Variants in PARD3 observed in about 807,000 individuals in gnomAD.
PARD3 encodes par-3 family cell polarity regulator, also known as partitioning defective 3 homolog.
PARD3 carries 75 observed loss-of-function variants against 155.4 expected under a neutral mutation model. That is an observed-to-expected ratio of 0.48 (90% CI 0.40 to 0.58). The LOEUF is 0.58. PARD3 is among the 20% of genes least tolerant of loss of function. PARD3 has a pLI of 0.00. For missense variants in PARD3, 1,642 were observed against 1,721.7 expected, an observed-to-expected ratio of 0.95 and a Z score of 0.82; for synonymous variants, 576 against 610.5, an observed-to-expected ratio of 0.94 and a Z score of 0.83.
intron 3 of PARD3, among the ~76,000 whole-genome samples, chr10:34,491,866 G>T (rs550661090): frequency 1.3e-5 from 2 of 152,144 alleles, no homozygotes; most frequent in African/African-American, 2.4e-5. Context: ...CAACCCAGTC[G>T]TGGTTTCCTA....
At chr10:34,535,717 C>A (rs574997197) in intron 2 of PARD3, among the ~76,000 whole-genome samples, 3 of 152,120 alleles carry the variant, frequency 2.0e-5, no homozygotes, top group African/African-American at 7.2e-5. Context: ...ATCAGGTGGT[C>A]CACCAGCCTC....
At chr10:34,303,162 ATT>A (rs5784409) in intron 20 of PARD3, among the ~76,000 whole-genome samples, 4,096 of 131,942 alleles carry the variant, frequency 0.031, 153 homozygotes, top group African/African-American at 0.096. Context: ...GCCCAGGTGA[ATT>A]TTTTTTTTTT....
chr10:34,611,896 G>A (rs1418857583), intron 2 of PARD3, among the ~76,000 whole-genome samples: 11 of 137,272 alleles, frequency 8.0e-5, no homozygotes, highest in Middle Eastern at 4.1e-3. Context: ...TGCAAGCTCC[G>A]CCTCCCAGGT....
chr10:34,814,829 C>T, intron 1 of PARD3, 47 bp downstream of exon 1: 1 of 1,229,356 alleles, frequency 8.1e-7, no homozygotes, highest in Non-Finnish European at 1.1e-6. Context: ...GATCCCGGCG[C>T]CGTCCCCGCC....
chr10:34,145,189 GTATATATATA>G (rs575139416), intron 22 of PARD3, among the ~76,000 whole-genome samples: 2 of 49,618 alleles, frequency 4.0e-5, no homozygotes, highest in African/African-American at 1.1e-4. Context: ...GTGTGTGTGT[GTATATATATA>G]TATATATATA....
intron 20 of PARD3, among the ~76,000 whole-genome samples, chr10:34,288,186 G>C (rs1431056945): frequency 1.3e-5 from 2 of 152,108 alleles, no homozygotes; most frequent in African/African-American, 4.8e-5. Flanking sequence ...ACTCCAGCCT[G>C]GGTGACAGAG....
intron 1 of PARD3, among the ~76,000 whole-genome samples, chr10:34,770,005 C>T (rs760314402): frequency 4.6e-5 from 7 of 152,124 alleles, no homozygotes; most frequent in Non-Finnish European, 8.8e-5. Flanking sequence ...AATACAGCCC[C>T]AATTTCCCTG....
intron 7 of PARD3, among the ~76,000 whole-genome samples, chr10:34,396,681 G>A (rs1180067194): frequency 6.6e-6 from 1 of 152,074 alleles, no homozygotes; most frequent in Non-Finnish European, 1.5e-5. Context: ...GAAGGCCCAA[G>A]AATGACTGGA....
chr10:34,709,820 AGAGGTCAACT>A lies in PARD3; in HGVS notation c.121-13411_121-13402del, dbSNP rs1381845516. 2.6e-5 allele frequency among the ~76,000 whole-genome samples: 4 copies of A among 152,340 alleles called. No individual in the cohort carries two copies. In the East Asian group the frequency reaches 5.8e-4, roughly 22 times the overall value. ...AACCTCCCACTGGCCAAACCCAACC[AGAGGTCAACT>A]GACACAGCTGTGCTTTGTATGATTC... On this transcript the variant is annotated intron_variant, in intron 1 of 24. Transcript: ENST00000374788.
At chr10:34,348,642 GAAC>G (rs1837680107) in intron 14 of PARD3, among the ~76,000 whole-genome samples, 1 of 152,082 alleles carries the variant, frequency 6.6e-6, no homozygotes, top group African/African-American at 2.4e-5. Context: ...CAGATGTCTT[GAAC>G]AACACACTGA....
chr10:34,686,210 G>A (rs2093952208), intron 2 of PARD3, among the ~76,000 whole-genome samples: 1 of 152,108 alleles, frequency 6.6e-6, no homozygotes, highest in African/African-American at 2.4e-5. Context: ...TTTACAGCTT[G>A]TAGCTCTGTG....
intron 3 of PARD3, among the ~76,000 whole-genome samples, chr10:34,487,964 T>A (rs942910817): frequency 6.6e-6 from 1 of 152,216 alleles, no homozygotes; most frequent in Admixed American, 6.5e-5. Flanking sequence ...TTATTAAGGA[T>A]TCAAATACAG....
At chr10:34,677,979 A>G (rs960658366) in intron 2 of PARD3, among the ~76,000 whole-genome samples, 2 of 152,164 alleles carry the variant, frequency 1.3e-5, no homozygotes, top group African/African-American at 4.8e-5. Context: ...GATCCACTAT[A>G]TATTGATTGT....
Position 34,470,068 on chromosome 10 carries a change from C to T in PARD3, c.582+17G>A. 1 of 1,571,000 alleles carries T rather than the reference C, an allele frequency of 6.4e-7. No homozygotes were observed. On this transcript the variant is annotated intron_variant, in intron 4 of 24. Coordinates refer to ENST00000374788, the MANE Select transcript of PARD3 (RefSeq NM_001184785.2). ...AGGAGGGGCAAGAGACAGCAGCAAA[C>T]AAGCAGAGGTGGTTACCTTCCTGTC...
At chr10:34,524,781 A>C (rs2082366223) in intron 2 of PARD3, among the ~76,000 whole-genome samples, 1 of 152,238 alleles carries the variant, frequency 6.6e-6, no homozygotes, top group Admixed American at 6.5e-5. Flanking sequence ...TGGGCTAATC[A>C]CATACAGATA....
chr10:34,405,860 G>A (rs1219853373), intron 5 of PARD3, among the ~76,000 whole-genome samples: 1 of 152,178 alleles, frequency 6.6e-6, no homozygotes, highest in Non-Finnish European at 1.5e-5. Flanking sequence ...TAGGCTTAGG[G>A]AACCTGAATC....
In PARD3 at chr10:34,267,028, T is replaced by C. The variant is rs1239375024; in HGVS notation, c.3419+2629A>G. Among the ~76,000 whole-genome samples the C allele has an allele frequency of 5.3e-5, 8 of 152,264 alleles. No individual in the cohort carries two copies. In the East Asian group the frequency reaches 1.5e-3, roughly 29 times the overall value. The stretch of plus-strand genomic sequence containing the variant: ...CTGAGCTGTGTGAAAAACTGCTACG[T>C]GGTAGTCTACTATTTTTCAGGTTTT... On this transcript the variant is annotated intron_variant, in intron 22 of 24. Transcript: ENST00000374788.
intron 1 of PARD3, among the ~76,000 whole-genome samples, chr10:34,753,813 G>A (rs182015227): frequency 1.6e-3 from 240 of 152,222 alleles, no homozygotes; most frequent in African/African-American, 4.8e-3. Flanking sequence ...AGCAAAAGCC[G>A]GGGCTGCACA....
chr10:34,312,621 A>G (rs941940712), intron 20 of PARD3, among the ~76,000 whole-genome samples: 2 of 152,228 alleles, frequency 1.3e-5, no homozygotes, highest in African/African-American at 4.8e-5. Context: ...TTTCCTCTTC[A>G]AAACTGAATA....
Sources: allele counts gnomAD v4.1 joint callset (sites outside exome capture counted in the v4.1 genomes callset), GRCh38; gene constraint gnomAD v4.1.1; transcripts MANE v1.5; gene names NCBI Gene and HGNC (gene_info 2026-07-23, HGNC 2026-07-21).